COL3A1: variants seen among roughly 807,000 people sequenced by gnomAD.
The protein encoded by COL3A1 is collagen alpha-1(III) chain.
Under a neutral mutation model 200.9 loss-of-function variants are expected in COL3A1, and 46 were observed. The observed-to-expected ratio is 0.23, with a 90% CI of 0.18 to 0.29. The LOEUF (loss-of-function observed/expected upper bound fraction) is 0.29, where lower values mean the gene tolerates loss of function less well. Ranked by LOEUF, COL3A1 falls within the 10% of genes least tolerant of loss-of-function variation. COL3A1 has a pLI of 1.00. For missense variants in COL3A1, 1,367 were observed against 1,917.6 expected (o/e 0.71, Z 5.36); for synonymous variants, 650 against 628.0 (o/e 1.03, Z -0.52).
intron 13 of COL3A1, 26 bp downstream of exon 13, chr2:188,991,748 A>T: frequency 6.2e-7 from 1 of 1,613,118 alleles, no homozygotes. Context: ...AACATCACAC[A>T]ATTACAACCC....
chr2:188,992,304 T>C, intron 14 of COL3A1, 76 bp downstream of exon 14: 1 of 1,266,158 alleles, frequency 7.9e-7, no homozygotes. Flanking sequence ...ATATTTTATA[T>C]ATGTATATAC....
At position 188,990,295 on chromosome 2, in the gene COL3A1, C is replaced by T. The variant is rs1329045578; in HGVS notation, c.745-12C>T. 6.2e-7 allele frequency: 1 copy of T among 1,610,642 alleles called. No individual in the cohort carries two copies. Among genetic ancestry groups the T allele is most frequent in the Non-Finnish European group, 8.5e-7 (1 of 1,177,492 alleles). Reference sequence around the variant, plus strand: ...GAAGGTTCATTAATATTTTTTCATTCATTATTTTTAGGGTATCAAAGGTCC... The same window carrying T: ...GAAGGTTCATTAATATTTTTTCATTTATTATTTTTAGGGTATCAAAGGTCC... On this transcript the variant is annotated splice_polypyrimidine_tract_variant and intron_variant, in intron 9 of 50. Coordinates refer to ENST00000304636, the MANE Select transcript of COL3A1 (RefSeq NM_000090.4).
Position 189,010,711 on chromosome 2 carries a change from C to T in COL3A1, c.4075C>T (p.Leu1359Phe). The change falls in exon 50 of 51, where the codon CTT becomes TTT. Residue 1359 changes from leucine to phenylalanine, a missense_variant. Physicochemically the swap from Leu to Phe is conservative, Grantham distance 22. Coordinates refer to ENST00000304636, the MANE Select transcript of COL3A1 (RefSeq NM_000090.4). ...VLDVHLAFLR[L>F]LSSRASQNIT... ...TGATGTGCATCTGGCATTCCTTCGA[C>T]TTCTCTCCAGCCGAGCTTCCCAGAA... is the stretch of plus-strand genomic sequence containing the variant. 1 of 1,614,162 alleles carries T rather than the reference C, an allele frequency of 6.2e-7. No individual in the cohort carries two copies. Among genetic ancestry groups the T allele is most frequent in the Non-Finnish European group, 8.5e-7 (1 of 1,180,004 alleles).
At position 188,993,440 on chromosome 2, in the gene COL3A1, C is replaced by A; in HGVS notation, c.1130C>A (p.Ala377Asp). Residue 377 changes from alanine to aspartate, a missense_variant, in exon 16 of 51, where the codon GCT (alanine) becomes GAT (aspartate). Coordinates refer to ENST00000304636, the MANE Select transcript of COL3A1 (RefSeq NM_000090.4). ...GGAGAACCTGGACCTCAGGGACACG[C>A]TGGTGCTCAAGGTCCTCCTGTAAGT... ...QRGEPGPQGH[A>D]GAQGPPGPPG... The A allele has an allele frequency of 6.4e-7, 1 of 1,556,394 alleles. No homozygotes were observed.
At chr2:188,978,822 A>C (rs928495007) in intron 1 of COL3A1, among the ~76,000 whole-genome samples, 1 of 151,806 alleles carries the variant, frequency 6.6e-6, no homozygotes, top group African/African-American at 2.4e-5. Flanking sequence ...TCAAAGGGGA[A>C]ACTTTGCCTG....
At chr2:189,003,647 C>T in intron 37 of COL3A1, 87 bp from the exon 38 acceptor site, 2 of 1,450,224 alleles carry the variant, frequency 1.4e-6, no homozygotes, top group South Asian at 1.1e-5. Flanking sequence ...AGGTACAATG[C>T]AGATCATGCC....
intron 32 of COL3A1, 77 bp from the exon 33 acceptor site, chr2:189,001,320 T>C: frequency 7.3e-7 from 1 of 1,375,512 alleles, no homozygotes; most frequent in East Asian, 2.3e-5. Flanking sequence ...TATCTATGTC[T>C]ATATACTTTC....
intron 1 of COL3A1, among the ~76,000 whole-genome samples, chr2:188,977,385 A>G (rs1687843617): frequency 6.6e-6 from 1 of 152,140 alleles, no homozygotes; most frequent in Non-Finnish European, 1.5e-5. Context: ...AAATGGACTC[A>G]GAGAATCAGT....
At chr2:188,999,776 T>A in intron 31 of COL3A1, 66 bp from the exon 32 acceptor site, 1 of 1,521,292 alleles carries the variant, frequency 6.6e-7, no homozygotes, top group Non-Finnish European at 9.0e-7. Context: ...TGAGAGTTAC[T>A]CCTCTTCTTG....
At chr2:188,989,101 T>C (rs1688122767) in intron 7 of COL3A1, among the ~76,000 whole-genome samples, 1 of 144,050 alleles carries the variant, frequency 6.9e-6, no homozygotes, top group South Asian at 2.1e-4. Context: ...ATACAACATT[T>C]CATGACATTT....
intron 1 of COL3A1, among the ~76,000 whole-genome samples, chr2:188,979,294 G>A (rs533525508): frequency 2.0e-5 from 3 of 151,984 alleles, no homozygotes; most frequent in South Asian, 2.1e-4. Flanking sequence ...GAGTTGCATA[G>A]CATGTTCACA....
At chr2:188,993,244 G>T in intron 15 of COL3A1, 117 bp from the exon 16 acceptor site, 1 of 841,758 alleles carries the variant, frequency 1.2e-6, no homozygotes, top group Admixed American at 2.0e-5. Flanking sequence ...TTTACCTGCA[G>T]TATAGAGTCC....
At chr2:189,008,393 A>G in intron 47 of COL3A1, 1 of 520,446 alleles carries the variant, frequency 1.9e-6, no homozygotes, top group Non-Finnish European at 3.5e-6. Flanking sequence ...CTGCCCAATT[A>G]ACCAAATAAA....
chr2:188,996,628 T>A lies in COL3A1; in HGVS notation c.1761+132T>A, dbSNP rs1688326516. On this transcript the variant is annotated intron_variant, in intron 24 of 50. Coordinates refer to ENST00000304636, the MANE Select transcript of COL3A1 (RefSeq NM_000090.4). ...AGGAGTATATGAAAATCAAATTGCATGTAGGAAGGGAGCTAAATATATAAT... is the reference window on the plus strand; with the variant it reads ...AGGAGTATATGAAAATCAAATTGCAAGTAGGAAGGGAGCTAAATATATAAT... 4.1e-6 allele frequency: 3 copies of A among 736,718 alleles called. No individual in the cohort carries two copies. In the South Asian group the frequency reaches 5.1e-5, roughly 12 times the overall value. The allele number at this position is 736,718 out of a possible 1,614,324, so 45.6% of individuals were successfully genotyped here.
chr2:188,978,026 T>C (rs924545068), intron 1 of COL3A1: 3 of 379,032 alleles, frequency 7.9e-6, no homozygotes, highest in African/African-American at 2.3e-5. Context: ...GAGCTTTTTT[T>C]CTAGGGAAAG....
chr2:188,982,718 G>A (rs1038629708), intron 1 of COL3A1, among the ~76,000 whole-genome samples: 1 of 151,768 alleles, frequency 6.6e-6, no homozygotes, highest in Non-Finnish European at 1.5e-5. Flanking sequence ...TTATTAATGG[G>A]AAAATCTTGG....
chr2:188,985,286 A>C, intron 3 of COL3A1, 39 bp downstream of exon 3: 1 of 1,501,086 alleles, frequency 6.7e-7, no homozygotes, highest in Non-Finnish European at 9.3e-7. Flanking sequence ...ATTAATACTA[A>C]TGATAATTCT....
rs372025063 is a variant in COL3A1 at position 188,990,130 on chromosome 2, G to A, written c.725G>A (p.Arg242Gln). 16 of 1,613,584 alleles carry A rather than the reference G, an allele frequency of 9.9e-6. No individual in the cohort carries two copies. The highest frequency in any genetic ancestry group is 7.7e-5 in the South Asian group (7 of 91,066). ...GGTAGACCCGGACGACCTGGAGAGC[G>A]AGGATTGCCTGGACCTCCAGTGAGT... is the stretch of plus-strand genomic sequence containing the variant. ...ESGRPGRPGERGLPGPPGIKG... is the reference protein window; with the variant it reads ...ESGRPGRPGEQGLPGPPGIKG... Residue 242 changes from arginine (R) to glutamine (Q), a missense_variant, in exon 9 of 51, where the codon CGA becomes CAA. Around this residue, in one of 5 missense-constraint regions of COL3A1, gnomAD observed 462 missense variants for 681.4 expected, o/e 0.68. Transcript: ENST00000304636.
At chr2:188,991,216 C>T (rs1257448128) in intron 11 of COL3A1, among the ~76,000 whole-genome samples, 159 bp downstream of exon 11, 1 of 152,044 alleles carries the variant, frequency 6.6e-6, no homozygotes, top group African/African-American at 2.4e-5. Context: ...ATTCTATTAA[C>T]GCTTCCATGA....
Sources: gnomAD v4.1 joint callset for allele counts (sites outside exome capture counted in the v4.1 genomes callset) on GRCh38, gnomAD v4.1.1 for gene constraint, gnomAD v4.1.1 regional missense constraint, MANE v1.5 for transcripts, NCBI Gene and HGNC (gene_info 2026-07-23, HGNC 2026-07-21) for gene names.